NTNG1: variants seen among roughly 807,000 people sequenced by gnomAD.
NTNG1 encodes the protein netrin-G1.
In NTNG1, 16 loss-of-function variants were observed where a neutral mutation model predicts 54.0. That is an observed-to-expected ratio of 0.30 (90% CI 0.20 to 0.45). The LOEUF is 0.45. Among genes scored for constraint, NTNG1 ranks in the 20% least tolerant of loss-of-function variants. NTNG1 has a pLI of 1.00. For missense variants in NTNG1, 530 were observed against 678.7 expected (o/e 0.78, Z 2.43); for synonymous variants, 255 against 263.1 (o/e 0.97, Z 0.30).
At chr1:107,246,264 A>G (rs1662191615) in intron 2 of NTNG1, among the ~76,000 whole-genome samples, 1 of 152,178 alleles carries the variant, frequency 6.6e-6, no homozygotes, top group Non-Finnish European at 1.5e-5. Context: ...CGTGTTAGCC[A>G]GAATAGTCTC....
chr1:107,424,272 A>T (rs1196875794), intron 5 of NTNG1, among the ~76,000 whole-genome samples: 1 of 152,098 alleles, frequency 6.6e-6, no homozygotes, highest in Admixed American at 6.6e-5. Context: ...CAGCAAGTGC[A>T]AAGGCCCTGG....
intron 3 of NTNG1, among the ~76,000 whole-genome samples, chr1:107,366,394 T>C (rs754613835): frequency 1.3e-5 from 2 of 152,304 alleles, no homozygotes; most frequent in African/African-American, 2.4e-5. Context: ...TAATTAAATA[T>C]AGACCCAAAA....
At chr1:107,461,000 T>TCC (rs773523448) in intron 7 of NTNG1, among the ~76,000 whole-genome samples, 4 of 152,154 alleles carry the variant, frequency 2.6e-5, no homozygotes, top group Non-Finnish European at 5.9e-5. Context: ...AAATCCATTA[T>TCC]CCCTGGCCTA....
rs180685326 is a variant in NTNG1 at position 107,483,763 on chromosome 1, A to G, written c.*2923A>G. Among the ~76,000 whole-genome samples, 38 of 152,202 alleles carry G rather than the reference A, an allele frequency of 2.5e-4. No individual in the cohort carries two copies. The highest frequency in any genetic ancestry group is 4.8e-4 in the Non-Finnish European group (33 of 68,048). On this transcript the variant is annotated 3_prime_UTR_variant, in exon 8 of 8. Transcript: ENST00000370068. The stretch of plus-strand genomic sequence containing the variant: ...TTAATCTATCAACTTTCCCACATAG[A>G]ACTGATATAATTCCTTCTATCAATA...
At chr1:107,407,067 T>C (rs1447084633) in intron 4 of NTNG1, among the ~76,000 whole-genome samples, 2 of 152,202 alleles carry the variant, frequency 1.3e-5, no homozygotes, top group African/African-American at 4.8e-5. Flanking sequence ...GTGATCAATA[T>C]GCACAACCTA....
chr1:107,171,897 T>C (rs74225251), intron 2 of NTNG1, among the ~76,000 whole-genome samples: 5 of 8,362 alleles, frequency 6.0e-4, no homozygotes, highest in Non-Finnish European at 3.2e-3. Context: ...TTTTTTCCCC[T>C]TTTTTTTTGT....
At chr1:107,219,093 GT>G (rs1660163651) in intron 2 of NTNG1, among the ~76,000 whole-genome samples, 1 of 149,138 alleles carries the variant, frequency 6.7e-6, no homozygotes, top group African/African-American at 2.5e-5. Flanking sequence ...ACTTCTTGGA[GT>G]TTTTGTTCAT....
chr1:107,326,319 A>G (rs1274212805), intron 3 of NTNG1, among the ~76,000 whole-genome samples: 1 of 152,140 alleles, frequency 6.6e-6, no homozygotes. Context: ...AAGCAGTATG[A>G]TGTTGAACTT....
In NTNG1 at chr1:107,206,549, C is replaced by G. The variant is rs183088621; in HGVS notation, c.246+57710C>G. On this transcript the variant is annotated intron_variant, in intron 2 of 7. Coordinates refer to ENST00000370068, the MANE Select transcript of NTNG1 (RefSeq NM_001113226.3). Reference sequence around the variant, plus strand: ...TCTCAAAATCTGCCATGATGTTCTTCTCATGTGCCTTTCACCCAGTGTTAC... The same window carrying G: ...TCTCAAAATCTGCCATGATGTTCTTGTCATGTGCCTTTCACCCAGTGTTAC... Among the ~76,000 whole-genome samples the G allele has an allele frequency of 1.2e-3, 183 of 152,196 alleles. 2 individuals carry two copies. The highest frequency in any genetic ancestry group is 6.8e-3 in the Middle Eastern group (2 of 294).
chr1:107,305,585 AT>A (rs548028352), intron 2 of NTNG1, among the ~76,000 whole-genome samples: 2,886 of 150,606 alleles, frequency 0.019, 95 homozygotes, highest in African/African-American at 0.065. Flanking sequence ...TGATGGGGTT[AT>A]TTTTTTTTCT....
intron 5 of NTNG1, chr1:107,410,626 G>T (rs1673735288): frequency 6.6e-6 from 1 of 152,062 alleles, no homozygotes; most frequent in African/African-American, 2.4e-5. Flanking sequence ...GATGTGGTAG[G>T]AATTCCTTCA....
At chr1:107,445,468 C>T (rs1031658285) in intron 7 of NTNG1, among the ~76,000 whole-genome samples, 3 of 151,990 alleles carry the variant, frequency 2.0e-5, no homozygotes, top group Non-Finnish European at 2.9e-5. Flanking sequence ...TTGTATGTGT[C>T]GGGAACATGT....
chr1:107,172,092 C>T (rs1656288487), intron 2 of NTNG1, among the ~76,000 whole-genome samples: 1 of 152,118 alleles, frequency 6.6e-6, no homozygotes, highest in Non-Finnish European at 1.5e-5. Context: ...ATTCAGATAA[C>T]CACCTGACTA....
intron 2 of NTNG1, among the ~76,000 whole-genome samples, chr1:107,250,416 A>G (rs189435082): frequency 1.4e-3 from 207 of 152,262 alleles, no homozygotes; most frequent in African/African-American, 4.6e-3. Flanking sequence ...GGCAGCCTTC[A>G]GGAATGCTCT....
At chr1:107,463,554 TC>T (rs1411170220) in intron 7 of NTNG1, among the ~76,000 whole-genome samples, 1 of 152,034 alleles carries the variant, frequency 6.6e-6, no homozygotes, top group East Asian at 1.9e-4. Context: ...TTTCACTTGT[TC>T]CCAGAAAAAT....
chr1:107,344,463 TTTGGGTCA>T (rs1325847263), intron 3 of NTNG1, among the ~76,000 whole-genome samples: 1 of 152,022 alleles, frequency 6.6e-6, no homozygotes, highest in African/African-American at 2.4e-5. Flanking sequence ...GGGAAGTGCA[TTTGGGTCA>T]TTGCTGCCTT....
intron 5 of NTNG1, among the ~76,000 whole-genome samples, chr1:107,424,746 C>A (rs574223429): frequency 6.6e-6 from 1 of 152,224 alleles, no homozygotes; most frequent in African/African-American, 2.4e-5. Flanking sequence ...GTTTATAAAA[C>A]GTCCAAGTGG....
At chr1:107,166,186 C>T (rs1655780101) in intron 2 of NTNG1, among the ~76,000 whole-genome samples, 1 of 152,124 alleles carries the variant, frequency 6.6e-6, no homozygotes, top group African/African-American at 2.4e-5. Context: ...TTGAGCTAAG[C>T]TTTGAGAAAA....
At chr1:107,415,335 T>G (rs1405893855) in intron 5 of NTNG1, among the ~76,000 whole-genome samples, 1 of 152,168 alleles carries the variant, frequency 6.6e-6, no homozygotes, top group Non-Finnish European at 1.5e-5. Flanking sequence ...CAAGGAATTC[T>G]TAATCCACTA....
Sources: gnomAD v4.1 joint callset for allele counts (sites outside exome capture counted in the v4.1 genomes callset) on GRCh38, gnomAD v4.1.1 for gene constraint, MANE v1.5 for transcripts, NCBI Gene and HGNC (gene_info 2026-07-23, HGNC 2026-07-21) for gene names.